Variants in AKAP9 observed in about 807,000 individuals in gnomAD.
AKAP9 encodes the protein A-kinase anchoring protein 9.
A neutral mutation model predicts 488.5 loss-of-function variants in AKAP9; 311 were observed. The ratio of observed to expected loss-of-function variants is 0.64; its 90% confidence interval spans 0.58 to 0.70. The LOEUF (loss-of-function observed/expected upper bound fraction) is 0.70. AKAP9 is among the 30% of genes least tolerant of loss of function. The pLI is 0.00. For missense variants in AKAP9, 4,215 were observed against 4,374.5 expected (o/e 0.96, Z 1.03); for synonymous variants, 1,462 against 1,483.5 (o/e 0.99, Z 0.33).
At chr7:92,026,388 G>A (rs905267655) in intron 14 of AKAP9, among the ~76,000 whole-genome samples, 5 of 152,212 alleles carry the variant, frequency 3.3e-5, no homozygotes, top group South Asian at 2.1e-4. Context: ...AGGCTGGACT[G>A]TACTGCCGTG....
intron 1 of AKAP9, among the ~76,000 whole-genome samples, chr7:91,952,905 G>A (rs1035575666): frequency 6.6e-6 from 1 of 152,094 alleles, no homozygotes; most frequent in Non-Finnish European, 1.5e-5. Flanking sequence ...TTGCAGCCTT[G>A]AACTCCCAGG....
intron 42 of AKAP9, 148 bp downstream of exon 42, chr7:92,097,942 T>A: frequency 2.1e-6 from 2 of 938,142 alleles, no homozygotes; most frequent in Non-Finnish European, 3.4e-6. Flanking sequence ...TTAACAGAAC[T>A]CAAATGTCTG....
At chr7:91,970,604 C>G in intron 1 of AKAP9, 1 of 401,962 alleles carries the variant, frequency 2.5e-6, no homozygotes, top group South Asian at 1.9e-5. Flanking sequence ...GATACAGTAT[C>G]CTTGGGTGGC....
chr7:92,093,303 T>G lies in AKAP9; in HGVS notation c.9565T>G (p.Leu3189Val), dbSNP rs749921738. 6.2e-7 allele frequency: 1 copy of G among 1,613,962 alleles called. No individual in the cohort carries two copies. Among genetic ancestry groups the G allele is most frequent in the Non-Finnish European group, 8.5e-7 (1 of 1,179,988 alleles). Reference protein sequence around the residue: ...LKAQHKHLKELEAFRLEVKDK... With the variant: ...LKAQHKHLKEVEAFRLEVKDK... Reference sequence around the variant, plus strand: ...GGCACAGCATAAACACCTAAAAGAATTGGAGGCTTTCAGGTGTGCCAGGCT... The same window carrying G: ...GGCACAGCATAAACACCTAAAAGAAGTGGAGGCTTTCAGGTGTGCCAGGCT... Residue 3189 changes from leucine (L) to valine (V), a missense_variant, in exon 39 of 50, where the codon TTG (leucine) becomes GTG (valine). Leu to Val is a conservative substitution (Grantham distance 32, BLOSUM62 1). Transcript: ENST00000356239.
chr7:91,992,964 G>C lies in AKAP9; in HGVS notation c.485G>C (p.Ser162Thr), dbSNP rs759783541. 9.9e-6 allele frequency: 16 copies of C among 1,614,132 alleles called. No individual in the cohort carries two copies. In the Admixed American group the frequency reaches 1.3e-4, roughly 13 times the overall value. The change falls in exon 5 of 50, where the codon AGT (serine) becomes ACT (threonine). Residue 162 changes from serine (S) to threonine (T), a missense_variant. By Grantham distance (58) the Ser-to-Thr change is moderately conservative. Coordinates refer to ENST00000356239, the MANE Select transcript of AKAP9 (RefSeq NM_005751.5). ...CCGACTCATCTAGAGATGATGGAAA[G>C]TGAGTTGGCTGGGAAGCAGCATGAG... ...DSPTHLEMME[S>T]ELAGKQHEIE...
intron 28 of AKAP9, among the ~76,000 whole-genome samples, chr7:92,073,559 T>C (rs1417897658): frequency 6.6e-6 from 1 of 152,062 alleles, no homozygotes; most frequent in Non-Finnish European, 1.5e-5. Flanking sequence ...TTAATTTCAA[T>C]TATTAGATAA....
At chr7:91,991,253 G>A (rs1289963680) in intron 3 of AKAP9, among the ~76,000 whole-genome samples, 1 of 152,120 alleles carries the variant, frequency 6.6e-6, no homozygotes, top group Non-Finnish European at 1.5e-5. Context: ...TTGCAATTTA[G>A]AAGTATTTAA....
At chr7:91,994,832 A>T in intron 6 of AKAP9, 56 bp downstream of exon 6, 2 of 1,519,662 alleles carry the variant, frequency 1.3e-6, no homozygotes, top group South Asian at 2.4e-5. Context: ...AATTTTAAAA[A>T]TTCACTTTCA....
chr7:92,001,593 A>T lies in AKAP9; in HGVS notation c.1676A>T (p.Asn559Ile). The part of the protein sequence containing the change: ...QTIAEQESKL[N>I]EAHKSLSTVE... ...ATAGCTGAACAAGAAAGTAAACTTA[A>T]TGAAGCACATAAGTCCCTTAGTACA... Residue 559 changes from asparagine (N) to isoleucine (I), a missense_variant, in exon 8 of 50, where the codon AAT becomes ATT. Around this residue, in one of 5 missense-constraint regions of AKAP9, gnomAD observed 2,361 missense variants for 2,430.0 expected, o/e 0.97. Coordinates refer to ENST00000356239, the MANE Select transcript of AKAP9 (RefSeq NM_005751.5). 6.2e-7 allele frequency: 1 copy of T among 1,613,884 alleles called. No individual in the cohort carries two copies. The highest frequency in any genetic ancestry group is 8.5e-7 in the Non-Finnish European group (1 of 1,179,812).
At chr7:91,988,199 T>C (rs1402616317) in intron 3 of AKAP9, among the ~76,000 whole-genome samples, 1 of 148,070 alleles carries the variant, frequency 6.8e-6, no homozygotes, top group Non-Finnish European at 1.5e-5. Flanking sequence ...ACAAGATATG[T>C]CATACTGTAA....
At chr7:92,046,923 TTTG>T (rs1466630619) in intron 21 of AKAP9, among the ~76,000 whole-genome samples, 1 of 152,222 alleles carries the variant, frequency 6.6e-6, no homozygotes, top group Non-Finnish European at 1.5e-5. Context: ...ATTTTGTGCT[TTTG>T]TTGTTGTTGT....
chr7:91,955,041 C>T (rs566045122), intron 1 of AKAP9, among the ~76,000 whole-genome samples: 5 of 152,218 alleles, frequency 3.3e-5, no homozygotes, highest in African/African-American at 1.2e-4. Context: ...TATTGTATGA[C>T]ACACTCATTT....
At chr7:92,085,837 C>G in intron 36 of AKAP9, 151 bp downstream of exon 36, 2 of 652,550 alleles carry the variant, frequency 3.1e-6, no homozygotes, top group Non-Finnish European at 4.7e-6. Context: ...GAAGCAGTGC[C>G]TCATGCCTGT....
chr7:92,046,776 T>C (rs1807079440), intron 21 of AKAP9, among the ~76,000 whole-genome samples: 1 of 152,208 alleles, frequency 6.6e-6, no homozygotes, highest in African/African-American at 2.4e-5. Context: ...TTATGCTTTT[T>C]AAAAAACAAT....
intron 12 of AKAP9, among the ~76,000 whole-genome samples, chr7:92,020,543 A>G (rs1802179084): frequency 6.6e-6 from 1 of 152,074 alleles, no homozygotes; most frequent in Non-Finnish European, 1.5e-5. Context: ...TCCTTCTTCC[A>G]TGTTCCTGTA....
chr7:91,956,399 CAAAAAAAAA>C (rs554292233), intron 1 of AKAP9, among the ~76,000 whole-genome samples: 2 of 108,128 alleles, frequency 1.8e-5, no homozygotes, highest in African/African-American at 3.1e-5. Flanking sequence ...GACTCTGTCT[CAAAAAAAAA>C]AAAAAAAAAA....
intron 8 of AKAP9, among the ~76,000 whole-genome samples, chr7:92,005,843 A>G (rs1466733032): frequency 6.6e-6 from 1 of 150,872 alleles, no homozygotes; most frequent in Non-Finnish European, 1.5e-5. Flanking sequence ...TAATTTTTGT[A>G]TTTTTAGTAG....
intron 22 of AKAP9, among the ~76,000 whole-genome samples, chr7:92,059,806 G>C (rs1024719785): frequency 6.6e-6 from 1 of 151,516 alleles, no homozygotes; most frequent in African/African-American, 2.4e-5. Flanking sequence ...TTATTGTTAT[G>C]TTTCTTTGTA....
chr7:92,084,603 G>A, intron 33 of AKAP9, 37 bp from the exon 34 acceptor site: 1 of 1,514,284 alleles, frequency 6.6e-7, no homozygotes, highest in Non-Finnish European at 9.1e-7. Flanking sequence ...TTTTATTAAA[G>A]CAAAAAATAT....
Sources: allele counts gnomAD v4.1 joint callset (sites outside exome capture counted in the v4.1 genomes callset), GRCh38; gene constraint gnomAD v4.1.1; regional missense constraint gnomAD v4.1.1; transcripts MANE v1.5; gene names NCBI Gene and HGNC (gene_info 2026-07-23, HGNC 2026-07-21).